Variants in CEP85L observed in about 807,000 individuals in gnomAD.
The protein encoded by CEP85L is centrosomal protein of 85 kDa-like.
CEP85L carries 60 observed loss-of-function variants against 100.3 expected under a neutral mutation model. That is an observed-to-expected ratio of 0.60 (90% confidence interval 0.49 to 0.74). The LOEUF (loss-of-function observed/expected upper bound fraction) is 0.74. CEP85L is among the 30% of genes least tolerant of loss of function. CEP85L has a pLI of 0.00. For missense variants in CEP85L, 973 were observed against 936.2 expected (o/e 1.04, Z -0.51); for synonymous variants, 319 against 322.7 (o/e 0.99, Z 0.12).
intron 5 of CEP85L, among the ~76,000 whole-genome samples, chr6:118,492,385 C>T (rs1344682554): frequency 6.6e-6 from 1 of 152,060 alleles, no homozygotes; most frequent in Non-Finnish European, 1.5e-5. Context: ...TCTTGTCCAT[C>T]TCAAAGTGTC....
rs1314079835 is a variant in CEP85L at position 118,599,913 on chromosome 6, G to A, written c.232+32540C>T. ...AAAAATAGGAAGAGAATGAGAAACC[G>A]TCACAGACCAGAGGAGATTAAGAAA... On this transcript the variant is annotated intron_variant, in intron 2 of 12. Transcript: ENST00000368491. 9.9e-5 allele frequency among the ~76,000 whole-genome samples: 15 copies of A among 152,222 alleles called. No individual in the cohort carries two copies. The East Asian group carries it at 2.9e-3, about 29-fold the overall frequency.
intron 3 of CEP85L, among the ~76,000 whole-genome samples, chr6:118,543,201 C>G (rs904322530): frequency 1.3e-5 from 2 of 152,022 alleles, no homozygotes; most frequent in African/African-American, 4.8e-5. Context: ...GTTACACACA[C>G]GTCAAAGTGT....
At chr6:118,496,356 T>TTTTATTTTATTTTA (rs1774919838) in intron 5 of CEP85L, among the ~76,000 whole-genome samples, 2 of 139,460 alleles carry the variant, frequency 1.4e-5, no homozygotes, top group African/African-American at 2.7e-5. Context: ...TATTTTATAT[T>TTTTATTTTATTTTA]TTTTATTTTA....
chr6:118,480,379 C>G lies in CEP85L; in HGVS notation c.1863+17G>C. On this transcript the variant is annotated intron_variant, in intron 9 of 12. Transcript: ENST00000368491. The stretch of plus-strand genomic sequence containing the variant: ...ATAGCATAGATTTCACGTTTATGAT[C>G]TAAGGTATCTACTGACCTTACTAGC... The G allele has an allele frequency of 1.5e-6, 2 of 1,373,488 alleles. No individual in the cohort carries two copies. The highest frequency in any genetic ancestry group is 2.1e-6 in the Non-Finnish European group (2 of 966,334). 85.1% of individuals were successfully genotyped at this position (1,373,488 alleles called of 1,614,324 possible). A position where few individuals can be genotyped will look rare whatever the true frequency, so the allele number is the denominator to read the frequency against.
chr6:118,691,546 A>AAAAG (rs1554246642), intron 1 of CEP85L, among the ~76,000 whole-genome samples: 17 of 150,614 alleles, frequency 1.1e-4, no homozygotes, highest in African/African-American at 4.2e-4. Context: ...AAAAAAAAAA[A>AAAAG]AAAGAAAGAA....
intron 3 of CEP85L, chr6:118,565,157 C>A: frequency 5.2e-6 from 1 of 192,584 alleles, no homozygotes; most frequent in Non-Finnish European, 1.1e-5. Flanking sequence ...TCTAACAGAA[C>A]CAGACACAAA....
rs546415145 is a variant in CEP85L, at chr6:118,486,440, TA to T, written c.1438-2583del. On this transcript the variant is annotated intron_variant, in intron 6 of 12. Transcript: ENST00000368491. ...TTACTTTTCTTTATTATCTGGCTTT[TA>T]TAAGAAAGAACTCAAAGGTAACATT... Among the ~76,000 whole-genome samples the T allele has an allele frequency of 1.7e-3, 252 of 152,344 alleles. 2 individuals carry two copies. The highest frequency in any genetic ancestry group is 5.6e-3 in the African/African-American group (231 of 41,578).
intron 2 of CEP85L, among the ~76,000 whole-genome samples, chr6:118,603,239 T>C (rs1010556163): frequency 3.3e-3 from 1 of 306 alleles, no homozygotes; most frequent in East Asian, 0.071. Flanking sequence ...CTGGACCTGA[T>C]ATGAAAGTGA....
intron 6 of CEP85L, among the ~76,000 whole-genome samples, chr6:118,488,914 CAATGGGG>C (rs1162126714): frequency 6.6e-6 from 1 of 152,108 alleles, no homozygotes; most frequent in Non-Finnish European, 1.5e-5. Flanking sequence ...ACTGCTTGGG[CAATGGGG>C]AATGGGGGTA....
intron 5 of CEP85L, among the ~76,000 whole-genome samples, chr6:118,499,321 T>A (rs1169287105): frequency 6.6e-6 from 1 of 152,214 alleles, no homozygotes; most frequent in East Asian, 1.9e-4. Flanking sequence ...CAAATCATGA[T>A]TATGTCAAAT....
intron 1 of CEP85L, among the ~76,000 whole-genome samples, chr6:118,657,634 G>A (rs1049417982): frequency 6.6e-6 from 1 of 152,082 alleles, no homozygotes. Flanking sequence ...AGACAGACAC[G>A]ACAGTTTCAA....
intron 5 of CEP85L, among the ~76,000 whole-genome samples, chr6:118,499,258 T>C (rs1775119131): frequency 6.6e-6 from 1 of 151,942 alleles, no homozygotes; most frequent in African/African-American, 2.4e-5. Flanking sequence ...AAACTAAAAG[T>C]TCAATGTTTG....
At chr6:118,537,080 TAAATCATA>T (rs1359434338) in intron 3 of CEP85L, among the ~76,000 whole-genome samples, 1 of 152,174 alleles carries the variant, frequency 6.6e-6, no homozygotes, top group Non-Finnish European at 1.5e-5. Context: ...CACATATTGA[TAAATCATA>T]AAATTACTGT....
chr6:118,537,128 G>A (rs1307841671), intron 3 of CEP85L, among the ~76,000 whole-genome samples: 2 of 152,202 alleles, frequency 1.3e-5, no homozygotes, highest in African/African-American at 4.8e-5. Context: ...GAATTTCAAA[G>A]TAATCTATCA....
At chr6:118,651,792 T>C, upstream of CEP85L, 1 of 892,920 alleles carries the variant, frequency 1.1e-6, no homozygotes, top group Non-Finnish European at 1.3e-6. Context: ...GCCGCATCCC[T>C]CTGTCTCCAT....
intron 5 of CEP85L, among the ~76,000 whole-genome samples, chr6:118,509,450 A>G (rs1775844626): frequency 6.6e-6 from 1 of 152,114 alleles, no homozygotes; most frequent in Non-Finnish European, 1.5e-5. Context: ...ATCATGTGAC[A>G]GAAGTCCAAG....
chr6:118,498,019 T>C (rs1192646571), intron 5 of CEP85L, among the ~76,000 whole-genome samples: 1 of 152,218 alleles, frequency 6.6e-6, no homozygotes, highest in Non-Finnish European at 1.5e-5. Flanking sequence ...TAGAAGTATT[T>C]TGCTATTATA....
Position 118,651,526 on chromosome 6 carries a change from G to A in CEP85L, c.-257C>T, listed in dbSNP as rs1351192977. On this transcript the variant is annotated 5_prime_UTR_variant, in exon 1 of 13. Transcript: ENST00000368491. ...GGGAAGCGGCGACTCGGCGGTGACGGCTGCTAGATCCCCGGCTGAGCCCAG... is the reference window on the plus strand; with the variant it reads ...GGGAAGCGGCGACTCGGCGGTGACGACTGCTAGATCCCCGGCTGAGCCCAG... The A allele has an allele frequency of 1.1e-5, 14 of 1,271,954 alleles. No individual in the cohort carries two copies. The South Asian group carries it at 3.0e-4, about 27-fold the overall frequency. The allele number at this position is 1,271,954 out of a possible 1,614,324, so 78.8% of individuals were successfully genotyped here.
rs764117590 is a variant in CEP85L, at chr6:118,491,782, C to T, written c.1341G>A (p.Lys447=). Residue 447 remains lysine, a synonymous_variant, in exon 6 of 13, where the codon AAG becomes AAA. Coordinates refer to ENST00000368491, the MANE Select transcript of CEP85L (RefSeq NM_001042475.3). ...SHSQQGEFEQ[K]LASTEKEVLQ... is the part of the protein sequence containing the mutation. ...AAACTTCTTTCTCAGTAGATGCAAGCTTTTGCTCAAATTCCCCTTGTTGGG... is the reference window on the plus strand; with the variant it reads ...AAACTTCTTTCTCAGTAGATGCAAGTTTTTGCTCAAATTCCCCTTGTTGGG... The T allele has an allele frequency of 1.9e-6, 3 of 1,612,976 alleles. No homozygotes were observed. The highest frequency in any genetic ancestry group is 1.3e-5 in the African/African-American group (1 of 74,992).
Sources: gnomAD v4.1 joint callset for allele counts (sites outside exome capture counted in the v4.1 genomes callset) on GRCh38, gnomAD v4.1.1 for gene constraint, MANE v1.5 for transcripts, NCBI Gene and HGNC (gene_info 2026-07-23, HGNC 2026-07-21) for gene names.